Variants in SEMA5A observed in about 807,000 individuals in gnomAD.
SEMA5A encodes the protein semaphorin-5A.
SEMA5A carries 55 observed loss-of-function variants against 135.5 expected under a neutral mutation model. The observed-to-expected ratio is 0.41, with a 90% CI of 0.33 to 0.51. SEMA5A has a LOEUF of 0.51. Among genes scored for constraint, SEMA5A ranks in the 20% least tolerant of loss-of-function variants. The probability of loss-of-function intolerance (pLI) is 0.37; values close to 1 mark genes in which losing one functional copy is unlikely to be tolerated. For synonymous variants in SEMA5A, 580 were observed against 546.5 expected (o/e 1.06, Z -0.85); for missense variants, 1,290 against 1,419.9 (o/e 0.91, Z 1.47).
chr5:9,174,575 G>C (rs1329260895), intron 11 of SEMA5A, among the ~76,000 whole-genome samples: 1 of 152,174 alleles, frequency 6.6e-6, no homozygotes, highest in Non-Finnish European at 1.5e-5. Context: ...ATGCACTGCT[G>C]TCTGTTTTAG....
chr5:9,449,657 G>A (rs1362748629), intron 1 of SEMA5A, among the ~76,000 whole-genome samples: 2 of 151,914 alleles, frequency 1.3e-5, no homozygotes, highest in African/African-American at 4.8e-5. Context: ...TATTAACAGG[G>A]GCATATCCCT....
intron 5 of SEMA5A, among the ~76,000 whole-genome samples, chr5:9,281,956 G>A (rs1255358276): frequency 6.6e-6 from 1 of 151,890 alleles, no homozygotes; most frequent in African/African-American, 2.4e-5. Context: ...GGGATTACAG[G>A]CACTTGCCAC....
intron 5 of SEMA5A, among the ~76,000 whole-genome samples, chr5:9,270,996 T>C (rs772094148): frequency 2.0e-5 from 3 of 152,096 alleles, no homozygotes; most frequent in Non-Finnish European, 4.4e-5. Context: ...CATAAGGAAC[T>C]TGATACGGTT....
intron 8 of SEMA5A, among the ~76,000 whole-genome samples, chr5:9,208,002 C>T (rs1019896121): frequency 4.6e-5 from 7 of 152,144 alleles, no homozygotes; most frequent in Admixed American, 2.0e-4. Flanking sequence ...TATATGTATA[C>T]ATGGCTCAAT....
intron 8 of SEMA5A, among the ~76,000 whole-genome samples, chr5:9,220,670 A>G (rs1354784312): frequency 6.6e-6 from 1 of 152,240 alleles, no homozygotes; most frequent in Non-Finnish European, 1.5e-5. Context: ...CTTAAAGACC[A>G]GCGGAAGGAA....
chr5:9,505,513 G>T (rs911789273), intron 1 of SEMA5A, among the ~76,000 whole-genome samples: 1 of 152,186 alleles, frequency 6.6e-6, no homozygotes, highest in Non-Finnish European at 1.5e-5. Context: ...CCCTTGGAAG[G>T]CTTCTTGATT....
chr5:9,124,635 T>C (rs894569129), intron 13 of SEMA5A, among the ~76,000 whole-genome samples: 2 of 152,274 alleles, frequency 1.3e-5, no homozygotes, highest in Non-Finnish European at 2.9e-5. Context: ...TTTATATTTT[T>C]AGTAGAGACA....
At chr5:9,467,116 GTTC>G (rs904525309) in intron 1 of SEMA5A, among the ~76,000 whole-genome samples, 1 of 151,508 alleles carries the variant, frequency 6.6e-6, no homozygotes, top group Non-Finnish European at 1.5e-5. Context: ...TGCATGAATT[GTTC>G]TTTTTTTTTT....
At chr5:9,162,141 A>T (rs1179305583) in intron 11 of SEMA5A, among the ~76,000 whole-genome samples, 1 of 152,120 alleles carries the variant, frequency 6.6e-6, no homozygotes. Flanking sequence ...CTATCTACCA[A>T]GAAGTCAAGT....
At chr5:9,381,800 C>G (rs979475432) in intron 2 of SEMA5A, among the ~76,000 whole-genome samples, 2 of 152,184 alleles carry the variant, frequency 1.3e-5, no homozygotes, top group Non-Finnish European at 2.9e-5. Context: ...TTGTTATAAT[C>G]TGCTACATTT....
At chr5:9,330,901 C>T (rs889271668) in intron 4 of SEMA5A, among the ~76,000 whole-genome samples, 5 of 152,166 alleles carry the variant, frequency 3.3e-5, no homozygotes, top group Non-Finnish European at 5.9e-5. Context: ...GTGAAAAGCA[C>T]TGTTCCTTTT....
chr5:9,536,184 C>T (rs2126360761), intron 1 of SEMA5A, among the ~76,000 whole-genome samples: 1 of 152,118 alleles, frequency 6.6e-6, no homozygotes, highest in East Asian at 1.9e-4. Context: ...GAACAAAGAG[C>T]ATAATAATTA....
intron 5 of SEMA5A, among the ~76,000 whole-genome samples, chr5:9,294,793 C>A (rs1289691409): frequency 1.3e-5 from 2 of 152,168 alleles, no homozygotes; most frequent in Non-Finnish European, 2.9e-5. Context: ...CTACCTGATT[C>A]AACAATTCAT....
At chr5:9,438,056 C>A (rs1256935746) in intron 1 of SEMA5A, among the ~76,000 whole-genome samples, 2 of 152,150 alleles carry the variant, frequency 1.3e-5, no homozygotes, top group African/African-American at 4.8e-5. Flanking sequence ...CTAATGGATT[C>A]TTTTTCTTCA....
intron 1 of SEMA5A, among the ~76,000 whole-genome samples, chr5:9,505,547 G>T (rs934933099): frequency 6.6e-6 from 1 of 152,160 alleles, no homozygotes; most frequent in African/African-American, 2.4e-5. Context: ...TGTCAAACCA[G>T]ACTGGTTCAT....
At chr5:9,337,610 T>G in intron 4 of SEMA5A, 103 bp downstream of exon 4, 1 of 686,668 alleles carries the variant, frequency 1.5e-6, no homozygotes, top group South Asian at 1.9e-5. Context: ...GAAATAATAT[T>G]ATTCAGCATT....
intron 8 of SEMA5A, among the ~76,000 whole-genome samples, chr5:9,203,554 C>T (rs1182767094): frequency 1.3e-5 from 2 of 152,168 alleles, no homozygotes; most frequent in African/African-American, 2.4e-5. Flanking sequence ...GGATTGACTA[C>T]TCTGTTATTC....
chr5:9,148,067 A>G (rs578095537), intron 12 of SEMA5A, among the ~76,000 whole-genome samples: 1 of 152,146 alleles, frequency 6.6e-6, no homozygotes, highest in South Asian at 2.1e-4. Context: ...TTTCTGTTCT[A>G]TGATAAAAGA....
At chr5:9,297,591 A>G (rs1200976575) in intron 5 of SEMA5A, among the ~76,000 whole-genome samples, 1 of 152,076 alleles carries the variant, frequency 6.6e-6, no homozygotes, top group African/African-American at 2.4e-5. Context: ...TCTCACTCCA[A>G]TTGCCCAGGC....
Sources: allele counts gnomAD v4.1 joint callset (sites outside exome capture counted in the v4.1 genomes callset), GRCh38; gene constraint gnomAD v4.1.1; transcripts MANE v1.5; gene names NCBI Gene and HGNC (gene_info 2026-07-23, HGNC 2026-07-21).